Variants in NF1 observed in about 807,000 individuals in gnomAD.
NF1 encodes the protein neurofibromin 1, also known as neurofibromin.
In NF1, 122 loss-of-function variants were observed where a neutral mutation model predicts 325.7. That is an observed-to-expected ratio of 0.37 (90% CI 0.32 to 0.44). The LOEUF is 0.44. Among genes scored for constraint, NF1 ranks in the 20% least tolerant of loss-of-function variants. The probability of loss-of-function intolerance (pLI) is 1.00; values close to 1 mark genes in which losing one functional copy is unlikely to be tolerated. For synonymous variants in NF1, 1,091 were observed against 1,186.0 expected (o/e 0.92, Z 1.65); for missense variants, 2,140 against 3,415.4 (o/e 0.63, Z 9.31).
chr17:31,104,149 C>G (rs907871766), intron 1 of NF1, among the ~76,000 whole-genome samples: 2 of 151,888 alleles, frequency 1.3e-5, no homozygotes, highest in African/African-American at 2.4e-5. Context: ...GTAAGAATGC[C>G]TTATTTTTTA....
intron 47 of NF1, among the ~76,000 whole-genome samples, chr17:31,341,168 A>G (rs1052361175): frequency 1.3e-5 from 2 of 152,182 alleles, no homozygotes; most frequent in Non-Finnish European, 2.9e-5. Flanking sequence ...TGGAGAGTCT[A>G]AAGGAAACTT....
At chr17:31,114,874 A>T (rs1369602534) in intron 1 of NF1, among the ~76,000 whole-genome samples, 1 of 152,136 alleles carries the variant, frequency 6.6e-6, no homozygotes, top group Non-Finnish European at 1.5e-5. Context: ...AAAAAAGAAT[A>T]CAAATCTTTG....
Position 31,252,922 on chromosome 17 carries a change from C to T in NF1, c.4111-16C>T, listed in dbSNP as rs776167625. The T allele has an allele frequency of 6.2e-7, 1 of 1,611,020 alleles. No individual in the cohort carries two copies. The highest frequency in any genetic ancestry group is 8.5e-7 in the Non-Finnish European group (1 of 1,177,560). ...GTCGGTGCTGTGACTTGTTTGTGCT[C>T]ATCTCTGTTCTGTAGGCAACTTGCC... On this transcript the variant is annotated splice_polypyrimidine_tract_variant and intron_variant, in intron 30 of 57. Transcript: ENST00000358273.
At chr17:31,171,372 T>G (rs977741933) in intron 5 of NF1, among the ~76,000 whole-genome samples, 15 of 152,204 alleles carry the variant, frequency 9.9e-5, no homozygotes, top group African/African-American at 3.6e-4. Flanking sequence ...GTTGAGAAAC[T>G]GAATGGTAAA....
At chr17:31,161,333 C>G (rs900972194) in intron 3 of NF1, among the ~76,000 whole-genome samples, 1 of 152,168 alleles carries the variant, frequency 6.6e-6, no homozygotes, top group Non-Finnish European at 1.5e-5. Flanking sequence ...TTTGTGAAGT[C>G]TGTTTATGTA....
intron 20 of NF1, 147 bp downstream of exon 20, chr17:31,227,753 C>T: frequency 1.4e-6 from 1 of 729,414 alleles, no homozygotes; most frequent in South Asian, 1.5e-5. Flanking sequence ...TAGACCTGTA[C>T]TTTGTAATGT....
At chr17:31,181,600 T>C in intron 6 of NF1, 110 bp from the exon 7 acceptor site, 1 of 1,291,898 alleles carries the variant, frequency 7.7e-7, no homozygotes, top group Non-Finnish European at 1.1e-6. Context: ...ACATTCATTT[T>C]CAGGAAGAAT....
intron 1 of NF1, among the ~76,000 whole-genome samples, chr17:31,102,754 G>A (rs1384783376): frequency 2.0e-5 from 3 of 151,372 alleles, no homozygotes; most frequent in Admixed American, 6.6e-5. Flanking sequence ...AAAAAAGAGA[G>A]CGTGACTAGT....
At chr17:31,364,127 A>G (rs1212053288) in intron 57 of NF1, among the ~76,000 whole-genome samples, 3 of 152,224 alleles carry the variant, frequency 2.0e-5, no homozygotes, top group African/African-American at 7.2e-5. Flanking sequence ...TGGCGTTTCA[A>G]CTTTGCTGTT....
At chr17:31,296,222 C>A in intron 36 of NF1, 1 of 1,614,138 alleles carries the variant, frequency 6.2e-7, no homozygotes. Context: ...GTCCACATGC[C>A]TGTGCCTCTC....
rs780419866 is a variant in NF1 at position 31,181,694 on chromosome 17, G to T, written c.655-16G>T. On this transcript the variant is annotated splice_polypyrimidine_tract_variant and intron_variant, in intron 6 of 57. Transcript: ENST00000358273. ...ACAAAAAATCACTGTAAAGACATGTGGTTCTTTATTTATAGGCATTTTGGA... is the reference window on the plus strand; with the variant it reads ...ACAAAAAATCACTGTAAAGACATGTTGTTCTTTATTTATAGGCATTTTGGA... 2 of 1,571,292 alleles carry T rather than the reference G, an allele frequency of 1.3e-6. No individual in the cohort carries two copies. Among genetic ancestry groups the T allele is most frequent in the East Asian group, 4.5e-5 (2 of 44,584 alleles).
At chr17:31,304,299 A>C (rs1344280904) in intron 36 of NF1, 1 of 1,613,388 alleles carries the variant, frequency 6.2e-7, no homozygotes, top group South Asian at 1.1e-5. Context: ...GCAGGGATTC[A>C]TTAAGATCTT....
intron 16 of NF1, among the ~76,000 whole-genome samples, chr17:31,224,053 A>C (rs2066972004): frequency 6.6e-6 from 1 of 152,174 alleles, no homozygotes; most frequent in East Asian, 1.9e-4. Context: ...CCTAGATCTC[A>C]TGGCTAGACT....
At chr17:31,328,709 A>G (rs1036800040) in intron 38 of NF1, among the ~76,000 whole-genome samples, 1 of 152,138 alleles carries the variant, frequency 6.6e-6, no homozygotes, top group East Asian at 1.9e-4. Flanking sequence ...GATTTTTCAG[A>G]TGTAAATTCT....
intron 36 of NF1, among the ~76,000 whole-genome samples, chr17:31,278,859 C>T (rs1245825153): frequency 1.3e-5 from 2 of 152,098 alleles, no homozygotes; most frequent in East Asian, 3.9e-4. Flanking sequence ...AGGTGATCTG[C>T]CCACCTCAGC....
In NF1 at chr17:31,259,148, A is replaced by G; in HGVS notation, c.4430+19A>G. On this transcript the variant is annotated intron_variant, in intron 33 of 57. Coordinates refer to ENST00000358273, the MANE Select transcript of NF1 (RefSeq NM_001042492.3). ...CACGCAGGTAATTTTCTTGCCACTT[A>G]CTCAGTTGCTCTGTTTGAATCAAAT... The G allele has an allele frequency of 6.6e-7, 1 of 1,510,178 alleles. No homozygotes were observed. The highest frequency in any genetic ancestry group is 9.2e-7 in the Non-Finnish European group (1 of 1,092,884). 93.5% of individuals were successfully genotyped at this position (1,510,178 alleles called of 1,614,324 possible).
intron 50 of NF1, 33 bp from the exon 51 acceptor site, chr17:31,352,224 A>G: frequency 1.2e-6 from 2 of 1,600,780 alleles, no homozygotes; most frequent in Non-Finnish European, 1.7e-6. Flanking sequence ...TCACCATATT[A>G]ATTGATTTTT....
At chr17:31,192,004 A>G (rs1408281102) in intron 8 of NF1, among the ~76,000 whole-genome samples, 1 of 152,196 alleles carries the variant, frequency 6.6e-6, no homozygotes, top group Non-Finnish European at 1.5e-5. Context: ...TATTCAGAGC[A>G]GTAATCCTAC....
At chr17:31,354,901 G>A (rs2070234897) in intron 51 of NF1, among the ~76,000 whole-genome samples, 1 of 152,210 alleles carries the variant, frequency 6.6e-6, no homozygotes, top group Admixed American at 6.5e-5. Flanking sequence ...TGCAGGTGGG[G>A]AAGGGGAGAA....
Sources: allele counts gnomAD v4.1 joint callset (sites outside exome capture counted in the v4.1 genomes callset), GRCh38; gene constraint gnomAD v4.1.1; transcripts MANE v1.5; gene names NCBI Gene and HGNC (gene_info 2026-07-23, HGNC 2026-07-21).